RIMS2: variants seen among roughly 807,000 people sequenced by gnomAD.
RIMS2 encodes the protein regulating synaptic membrane exocytosis 2, also known as regulating synaptic membrane exocytosis protein 2.
Under a neutral mutation model 174.4 loss-of-function variants are expected in RIMS2, and 59 were observed. That is an observed-to-expected ratio of 0.34 (90% CI 0.27 to 0.42). The LOEUF is 0.42. Ranked by LOEUF, RIMS2 falls within the 10% of genes least tolerant of loss-of-function variation. The pLI, the probability that RIMS2 is intolerant of heterozygous loss-of-function variation, is 1.00. For missense variants in RIMS2, 1,620 were observed against 1,666.3 expected, an observed-to-expected ratio of 0.97 and a Z score of 0.48; for synonymous variants, 606 against 572.5, an observed-to-expected ratio of 1.06 and a Z score of -0.84.
intron 3 of RIMS2, among the ~76,000 whole-genome samples, chr8:103,874,247 C>T (rs997001101): frequency 1.1e-4 from 17 of 151,888 alleles, no homozygotes; most frequent in African/African-American, 3.9e-4. Context: ...CCTTAAGAGG[C>T]ACTGTGATTG....
intron 2 of RIMS2, among the ~76,000 whole-genome samples, chr8:103,713,841 T>C (rs796271525): frequency 1.5e-4 from 23 of 152,332 alleles, no homozygotes; most frequent in African/African-American, 5.1e-4. Flanking sequence ...TGAGCTTCAC[T>C]CCATTCTAGA....
intron 10 of RIMS2, chr8:103,922,657 T>A: frequency 2.5e-6 from 1 of 401,514 alleles, no homozygotes; most frequent in Non-Finnish European, 5.0e-6. Context: ...AGTTAAAAAC[T>A]AAATTATTTG....
At chr8:103,892,964 A>T (rs1040011010) in intron 4 of RIMS2, among the ~76,000 whole-genome samples, 1 of 151,840 alleles carries the variant, frequency 6.6e-6, no homozygotes, top group Non-Finnish European at 1.5e-5. Context: ...TATTATTATT[A>T]TATTATTATT....
intron 1 of RIMS2, among the ~76,000 whole-genome samples, chr8:103,547,814 A>T (rs910657163): frequency 6.6e-6 from 1 of 152,196 alleles, no homozygotes; most frequent in Admixed American, 6.5e-5. Flanking sequence ...ACAATATGAA[A>T]TAACAAAGCA....
At chr8:103,730,833 A>T (rs1564433673) in intron 2 of RIMS2, among the ~76,000 whole-genome samples, 1 of 152,164 alleles carries the variant, frequency 6.6e-6, no homozygotes, top group Non-Finnish European at 1.5e-5. Flanking sequence ...TCATGTTTTA[A>T]GGATGTTTTC....
chr8:103,879,241 G>A (rs562276110), intron 3 of RIMS2, among the ~76,000 whole-genome samples: 3 of 151,458 alleles, frequency 2.0e-5, no homozygotes, highest in Admixed American at 1.3e-4. Context: ...CAAGATGATT[G>A]ATAGAGAAAG....
chr8:103,710,806 G>A (rs567621248), intron 2 of RIMS2, among the ~76,000 whole-genome samples: 1 of 152,046 alleles, frequency 6.6e-6, no homozygotes, highest in East Asian at 1.9e-4. Flanking sequence ...TTTTATAATG[G>A]TTATAAAGGA....
intron 2 of RIMS2, among the ~76,000 whole-genome samples, chr8:103,721,838 G>C (rs565581772): frequency 3.3e-5 from 5 of 152,088 alleles, no homozygotes; most frequent in African/African-American, 4.8e-5. Context: ...AGCTATATAG[G>C]GTTGGTGGAT....
chr8:103,677,763 A>G (rs1373110278), intron 1 of RIMS2, among the ~76,000 whole-genome samples: 1 of 152,214 alleles, frequency 6.6e-6, no homozygotes, highest in Non-Finnish European at 1.5e-5. Context: ...CAACCAGAAC[A>G]GAGTCAGAGA....
intron 3 of RIMS2, among the ~76,000 whole-genome samples, chr8:103,828,506 A>G (rs182118612): frequency 2.6e-5 from 4 of 152,240 alleles, no homozygotes; most frequent in Admixed American, 6.5e-5. Flanking sequence ...TACATAGTTT[A>G]TAAATATTTT....
intron 11 of RIMS2, among the ~76,000 whole-genome samples, chr8:103,929,975 G>A (rs2079575847): frequency 6.6e-6 from 1 of 151,896 alleles, no homozygotes; most frequent in African/African-American, 2.4e-5. Context: ...TTCTGATTCA[G>A]TAGGTGAGAA....
intron 15 of RIMS2, among the ~76,000 whole-genome samples, chr8:103,968,465 A>G: frequency 6.8e-6 from 1 of 147,654 alleles, no homozygotes; most frequent in Non-Finnish European, 1.5e-5. Context: ...CTTCCTTCAT[A>G]TCATATGTCT....
intron 2 of RIMS2, among the ~76,000 whole-genome samples, chr8:103,728,839 G>C (rs577522502): frequency 6.8e-6 from 1 of 146,770 alleles, no homozygotes; most frequent in East Asian, 2.0e-4. Context: ...TGATCGTGTG[G>C]TTTTTGTCCT....
At chr8:104,179,184 T>C (rs1249966478) in intron 19 of RIMS2, among the ~76,000 whole-genome samples, 1 of 152,036 alleles carries the variant, frequency 6.6e-6, no homozygotes, top group Non-Finnish European at 1.5e-5. Flanking sequence ...GGTTAATCTA[T>C]AAAAACTTCA....
At chr8:104,093,238 C>T (rs1209457964) in intron 19 of RIMS2, among the ~76,000 whole-genome samples, 1 of 151,880 alleles carries the variant, frequency 6.6e-6, no homozygotes, top group Non-Finnish European at 1.5e-5. Flanking sequence ...TTTTAATGGC[C>T]TTCACTGGGG....
At chr8:103,622,960 C>T (rs1277875195) in intron 1 of RIMS2, among the ~76,000 whole-genome samples, 1 of 152,172 alleles carries the variant, frequency 6.6e-6, no homozygotes. Context: ...CCTGCTGTCA[C>T]AACATATGAG....
At chr8:104,098,027 C>T (rs772236658) in intron 19 of RIMS2, among the ~76,000 whole-genome samples, 30 of 152,182 alleles carry the variant, frequency 2.0e-4, no homozygotes, top group South Asian at 4.1e-4. Flanking sequence ...TTGCTATTTT[C>T]GTTAATTAGA....
At chr8:104,168,548 A>G (rs1295738244) in intron 19 of RIMS2, among the ~76,000 whole-genome samples, 1 of 152,078 alleles carries the variant, frequency 6.6e-6, no homozygotes, top group Non-Finnish European at 1.5e-5. Flanking sequence ...TGTTTATCAG[A>G]TCTAGGAGCT....
At chr8:103,662,721 T>C (rs1350181715) in intron 1 of RIMS2, among the ~76,000 whole-genome samples, 1 of 150,606 alleles carries the variant, frequency 6.6e-6, no homozygotes, top group African/African-American at 2.4e-5. Flanking sequence ...TATCTATCTA[T>C]AGTCTTATAA....
Sources: allele counts gnomAD v4.1 joint callset (sites outside exome capture counted in the v4.1 genomes callset), GRCh38; gene constraint gnomAD v4.1.1; transcripts MANE v1.5; gene names NCBI Gene and HGNC (gene_info 2026-07-23, HGNC 2026-07-21).